The following DOCK7 variants were observed in gnomAD, a reference collection of about 807,000 sequenced individuals.
DOCK7 encodes the protein dedicator of cytokinesis 7, also known as dedicator of cytokinesis protein 7.
In DOCK7, 138 loss-of-function variants were observed where a neutral mutation model predicts 271.0. The ratio of observed to expected loss-of-function variants is 0.51; its 90% CI spans 0.44 to 0.59. The LOEUF (loss-of-function observed/expected upper bound fraction) is 0.59, where lower values mean the gene tolerates loss of function less well. Among genes scored for constraint, DOCK7 ranks in the 20% least tolerant of loss-of-function variants. The pLI is 0.00. For synonymous variants in DOCK7, 823 were observed against 876.1 expected (o/e 0.94, Z 1.07); for missense variants, 2,066 against 2,592.4 (o/e 0.80, Z 4.41).
At chr1:62,584,729 G>A in intron 15 of DOCK7, 2 of 989,906 alleles carry the variant, frequency 2.0e-6, no homozygotes, top group Non-Finnish European at 3.1e-6. Context: ...CATCGTCCCT[G>A]CCCTCAAGGA....
At chr1:62,484,850 T>C (rs1646247249) in intron 43 of DOCK7, 1 of 152,162 alleles carries the variant, frequency 6.6e-6, no homozygotes, top group Non-Finnish European at 1.5e-5. Context: ...GTTCAAAACA[T>C]GCTTTTAGGC....
chr1:62,636,418 T>C, intron 8 of DOCK7, 119 bp downstream of exon 8: 2 of 742,400 alleles, frequency 2.7e-6, no homozygotes, highest in South Asian at 2.0e-5. Context: ...AAATTTCTAT[T>C]TCCTTTTTAA....
At position 62,579,819 on chromosome 1, in the gene DOCK7, A is replaced by G. The variant is rs138507672; in HGVS notation, c.1872-853T>C. 3.3e-5 allele frequency among the ~76,000 whole-genome samples: 5 copies of G among 152,144 alleles called. No individual in the cohort carries two copies. In the East Asian group the frequency reaches 9.7e-4, roughly 29 times the overall value. On this transcript the variant is annotated intron_variant, in intron 16 of 49. Coordinates refer to ENST00000635253, the MANE Select transcript of DOCK7 (RefSeq NM_001367561.1). Reference sequence around the variant, plus strand: ...TAAATATGGACTAGAATTGACCACTAAAACAAACAAAAAAAACCAGTAAAA... The same window carrying G: ...TAAATATGGACTAGAATTGACCACTGAAACAAACAAAAAAAACCAGTAAAA...
At chr1:62,677,967 T>C (rs1427200940) in intron 1 of DOCK7, among the ~76,000 whole-genome samples, 1 of 151,844 alleles carries the variant, frequency 6.6e-6, no homozygotes, top group Non-Finnish European at 1.5e-5. Context: ...ACCTCTAAAA[T>C]AAATTTAAAA....
At chr1:62,547,850 T>G (rs923094666) in intron 22 of DOCK7, among the ~76,000 whole-genome samples, 4 of 152,204 alleles carry the variant, frequency 2.6e-5, no homozygotes, top group Non-Finnish European at 4.4e-5. Context: ...TATATAAATA[T>G]TCTTAAATTT....
chr1:62,520,829 A>G (rs1358674288), intron 31 of DOCK7, among the ~76,000 whole-genome samples: 1 of 152,228 alleles, frequency 6.6e-6, no homozygotes. Context: ...CACTATTCAC[A>G]GTAGCAAAGA....
chr1:62,557,751 C>T (rs913082115), intron 20 of DOCK7, among the ~76,000 whole-genome samples: 1 of 151,498 alleles, frequency 6.6e-6, no homozygotes. Flanking sequence ...TATTATTTTA[C>T]TTATATAATC....
At chr1:62,496,932 T>C (rs933629961) in intron 37 of DOCK7, among the ~76,000 whole-genome samples, 5 of 152,166 alleles carry the variant, frequency 3.3e-5, no homozygotes, top group Admixed American at 2.0e-4. Flanking sequence ...CATAAAGTAA[T>C]GTAAGGTAGA....
At chr1:62,475,410 T>C in intron 46 of DOCK7, 59 bp from the exon 47 acceptor site, 1 of 1,529,996 alleles carries the variant, frequency 6.5e-7, no homozygotes, top group Non-Finnish European at 8.8e-7. Flanking sequence ...TAATGAACTT[T>C]ATGTATAATC....
intron 33 of DOCK7, chr1:62,511,207 G>A (rs1349472364): frequency 6.6e-6 from 1 of 152,164 alleles, no homozygotes; most frequent in Non-Finnish European, 1.5e-5. Flanking sequence ...ATAACACTTA[G>A]GACCACAAGT....
intron 46 of DOCK7, 126 bp from the exon 47 acceptor site, chr1:62,475,477 C>T: frequency 7.9e-7 from 1 of 1,259,442 alleles, no homozygotes; most frequent in East Asian, 2.5e-5. Flanking sequence ...CAATAAAATT[C>T]CAAACTTGGA....
chr1:62,604,039 G>T lies in DOCK7; in HGVS notation c.1682+14667C>A, dbSNP rs755977300. The T allele has an allele frequency of 8.7e-6, 14 of 1,613,092 alleles. No individual in the cohort carries two copies. The highest frequency in any genetic ancestry group is 1.2e-5 in the Non-Finnish European group (14 of 1,179,314). ...AATCTAATTATGTTTTACGAATTGA[G>T]TTGGAAGACTGGAAAGACAACAAAC... On this transcript the variant is annotated intron_variant, in intron 14 of 49. Coordinates refer to ENST00000635253, the MANE Select transcript of DOCK7 (RefSeq NM_001367561.1).
chr1:62,468,528 C>G (rs140629255), intron 48 of DOCK7, among the ~76,000 whole-genome samples: 77 of 152,256 alleles, frequency 5.1e-4, no homozygotes, highest in Non-Finnish European at 9.1e-4. Context: ...ACTCTTACCA[C>G]TTCTCTTCAA....
At chr1:62,525,028 T>TA (rs1209430766) in intron 31 of DOCK7, among the ~76,000 whole-genome samples, 2 of 149,212 alleles carry the variant, frequency 1.3e-5, no homozygotes, top group East Asian at 2.0e-4. Flanking sequence ...TTTTTTGAGA[T>TA]AGAGTCTTGC....
intron 20 of DOCK7, among the ~76,000 whole-genome samples, chr1:62,558,047 G>C (rs375056266): frequency 6.6e-6 from 1 of 151,932 alleles, no homozygotes; most frequent in Non-Finnish European, 1.5e-5. Flanking sequence ...TTCTTCAAAG[G>C]CTATTTATTC....
rs1303569394 is a variant in DOCK7 at position 62,544,862 on chromosome 1, A to G, written c.2859+85T>C. 2.8e-6 allele frequency: 3 copies of G among 1,056,074 alleles called. No individual in the cohort carries two copies. In the East Asian group the frequency reaches 8.3e-5, roughly 29 times the overall value. The allele number at this position is 1,056,074 out of a possible 1,614,324, so 65.4% of individuals were successfully genotyped here. A position where few individuals can be genotyped will look rare whatever the true frequency, so the allele number is the denominator to read the frequency against. ...TTTTAATGATTAAAAAAAGCAAGCC[A>G]CTGAAATCATAGTATATACTAAAAA... On this transcript the variant is annotated intron_variant, in intron 23 of 49. Coordinates refer to ENST00000635253, the MANE Select transcript of DOCK7 (RefSeq NM_001367561.1).
rs147103646 is a variant in DOCK7 at position 62,504,698 on chromosome 1, C to T, written c.4696G>A (p.Gly1566Ser). The change falls in exon 37 of 50, where the codon GGT becomes AGT. Residue 1566 changes from glycine to serine, a missense_variant. Around this residue, in one of 2 missense-constraint regions of DOCK7, gnomAD observed 652 missense variants for 922.1 expected, o/e 0.71. Coordinates refer to ENST00000635253, the MANE Select transcript of DOCK7 (RefSeq NM_001367561.1). ...RLLRHCSSSIGTIRSHASASL... is the reference protein window; with the variant it reads ...RLLRHCSSSISTIRSHASASL... Reference sequence around the variant, plus strand: ...GCACTGGCGTGTGACCGTATTGTACCGATGCTACTGCTACAGTGTCGGAGA... The same window carrying T: ...GCACTGGCGTGTGACCGTATTGTACTGATGCTACTGCTACAGTGTCGGAGA... The T allele has an allele frequency of 1.0e-3, 1,686 of 1,614,044 alleles. 21 individuals carry two copies. In the African/African-American group the frequency reaches 0.02, roughly 19 times the overall value.
At chr1:62,573,498 G>A (rs990458603) in intron 18 of DOCK7, among the ~76,000 whole-genome samples, 4 of 152,104 alleles carry the variant, frequency 2.6e-5, no homozygotes, top group African/African-American at 9.7e-5. Context: ...AAAGAGGTAA[G>A]AACTGAATAA....
At chr1:62,625,216 T>A (rs746397790) in intron 12 of DOCK7, 43 bp downstream of exon 12, 23 of 1,601,454 alleles carry the variant, frequency 1.4e-5, no homozygotes, top group Non-Finnish European at 2.0e-5. Context: ...AAAAAATTTA[T>A]GCACAAACAT....
Sources: gnomAD v4.1 joint callset for allele counts (sites outside exome capture counted in the v4.1 genomes callset) on GRCh38, gnomAD v4.1.1 for gene constraint, gnomAD v4.1.1 regional missense constraint, MANE v1.5 for transcripts, NCBI Gene and HGNC (gene_info 2026-07-23, HGNC 2026-07-21) for gene names.